ATP1B4: variants seen among roughly 807,000 people sequenced by gnomAD.
ATP1B4 encodes the protein ATPase Na+/K+ transporting family member beta 4.
ATP1B4 carries 32 observed loss-of-function variants against 29.6 expected under a neutral mutation model. The observed-to-expected ratio is 1.08, with a 90% CI of 0.82 to 1.45. The LOEUF is 1.45. Among genes scored for constraint, ATP1B4 ranks in the 40% most tolerant of loss-of-function variants. ATP1B4 has a pLI of 0.00. For missense variants in ATP1B4, 323 were observed against 276.2 expected, an observed-to-expected ratio of 1.17 and a Z score of -1.20; for synonymous variants, 127 against 102.1, an observed-to-expected ratio of 1.24 and a Z score of -1.47.
intron 1 of ATP1B4, among the ~76,000 whole-genome samples, chrX:120,364,039 G>A (rs997765803): frequency 4.0e-4 from 44 of 110,474 alleles, no homozygotes; most frequent in African/African-American, 1.4e-3. Flanking sequence ...ACAGCCTCTC[G>A]GGTGTGAGAG....
At position 120,381,321 on chromosome X, in the gene ATP1B4, G is replaced by C. The variant is rs1011197437; in HGVS notation, c.*1687G>C. On this transcript the variant is annotated 3_prime_UTR_variant, in exon 8 of 8. Transcript: ENST00000218008. ...AATGGCAGGGATGGCAAGAGATCCA[G>C]CTAGAGAGGTATTCAGGGATGGAAA... is the stretch of plus-strand genomic sequence containing the variant. 3.6e-5 allele frequency: 4 copies of C among 112,264 alleles called. No homozygotes were observed. The highest frequency in any genetic ancestry group is 1.3e-4 in the African/African-American group (4 of 30,894). 9.3% of individuals were successfully genotyped at this position (112,264 alleles called of 1,213,427 possible).
intron 4 of ATP1B4, among the ~76,000 whole-genome samples, chrX:120,374,766 A>ATATACCCT (rs1556039757): frequency 1.3e-4 from 3 of 22,671 alleles, no homozygotes; most frequent in African/African-American, 9.1e-4. Flanking sequence ...TATATATTAT[A>ATATACCCT]TATATATAAT....
In ATP1B4 at chrX:120,383,168, C is replaced by T. The variant is rs1303993569; in HGVS notation, c.*3534C>T. The T allele has an allele frequency of 2.7e-5, 3 of 111,752 alleles. No homozygotes were observed. Among genetic ancestry groups the T allele is most frequent in the African/African-American group, 9.7e-5 (3 of 30,779 alleles). The allele number at this position is 111,752 out of a possible 1,213,427, so 9.2% of individuals were successfully genotyped here. A position where few individuals can be genotyped will look rare whatever the true frequency, so the allele number is the denominator to read the frequency against. ...TTTTAGGCACCTATTTTCTGGGGATCAACATGTAAAAAAACATTTATATTG... is the reference window on the plus strand; with the variant it reads ...TTTTAGGCACCTATTTTCTGGGGATTAACATGTAAAAAAACATTTATATTG... On this transcript the variant is annotated 3_prime_UTR_variant, in exon 8 of 8. Coordinates refer to ENST00000218008, the MANE Select transcript of ATP1B4 (RefSeq NM_001142447.3).
intron 3 of ATP1B4, 63 bp downstream of exon 3, chrX:120,370,906 A>C: frequency 8.6e-7 from 1 of 1,161,434 alleles, no homozygotes; most frequent in Non-Finnish European, 1.2e-6. Context: ...CTTGCACAGC[A>C]TGTTCAGCCT....
chrX:120,372,917 C>G (rs2058321037), intron 4 of ATP1B4, among the ~76,000 whole-genome samples: 1 of 112,040 alleles, frequency 8.9e-6, no homozygotes, highest in Non-Finnish European at 1.9e-5. Context: ...TCATGGCCAG[C>G]ACAGTATCTT....
At position 120,367,381 on chromosome X, in the gene ATP1B4, GTCT is replaced by G. The variant is rs781510479; in HGVS notation, c.328+599_328+601del. On this transcript the variant is annotated intron_variant, in intron 2 of 7. Coordinates refer to ENST00000218008, the MANE Select transcript of ATP1B4 (RefSeq NM_001142447.3). ...GTGTCCCTGGCCCCAGCTTGTGGGT[GTCT>G]TCTTCTGCTATGATAGAGATGTTTG... 2.0e-4 allele frequency among the ~76,000 whole-genome samples: 22 copies of G among 112,193 alleles called. No individual in the cohort carries two copies. The South Asian group carries it at 3.0e-3, about 15-fold the overall frequency.
rs748209727 is a variant in ATP1B4 at position 120,380,372 on chromosome X, A to C, written c.*738A>C. On this transcript the variant is annotated 3_prime_UTR_variant, in exon 8 of 8. Coordinates refer to ENST00000218008, the MANE Select transcript of ATP1B4 (RefSeq NM_001142447.3). ...CACAGACAACTAAGTGCTTATTCAA[A>C]GACTAGGTTATTTTCAACTGGGAAA... 8.9e-6 allele frequency: 1 copy of C among 112,251 alleles called. No individual in the cohort carries two copies. Among genetic ancestry groups the C allele is most frequent in the East Asian group, 2.8e-4 (1 of 3,600 alleles). The allele number at this position is 112,251 out of a possible 1,213,427, so 9.3% of individuals were successfully genotyped here.
intron 7 of ATP1B4, 45 bp downstream of exon 7, chrX:120,378,818 T>C (rs1243158366): frequency 9.1e-7 from 1 of 1,097,174 alleles, no homozygotes; most frequent in Non-Finnish European, 1.3e-6. Context: ...AAGGGCTCAG[T>C]GACAAAAGAA....
At chrX:120,370,466 T>C (rs993608898) in intron 2 of ATP1B4, among the ~76,000 whole-genome samples, 6 of 112,075 alleles carry the variant, frequency 5.4e-5, no homozygotes, top group Admixed American at 2.8e-4. Context: ...TGTATTCTTG[T>C]TCATGGCCAT....
In ATP1B4 at chrX:120,380,899, A is replaced by G. The variant is rs943436059; in HGVS notation, c.*1265A>G. On this transcript the variant is annotated 3_prime_UTR_variant, in exon 8 of 8. Coordinates refer to ENST00000218008, the MANE Select transcript of ATP1B4 (RefSeq NM_001142447.3). The stretch of plus-strand genomic sequence containing the variant: ...TTATCTTTGGTCACCTGATCACTCA[A>G]CTGCTTCTTAACACCTCCACCAGGG... 1 of 111,556 alleles carries G rather than the reference A, an allele frequency of 9.0e-6. No homozygotes were observed. The highest frequency in any genetic ancestry group is 1.9e-5 in the Non-Finnish European group (1 of 53,095). The allele number at this position is 111,556 out of a possible 1,213,427, so 9.2% of individuals were successfully genotyped here. A position where few individuals can be genotyped will look rare whatever the true frequency, so the allele number is the denominator to read the frequency against.
At chrX:120,371,555 T>A (rs2058313719) in intron 4 of ATP1B4, among the ~76,000 whole-genome samples, 1 of 111,394 alleles carries the variant, frequency 9.0e-6, no homozygotes, top group Non-Finnish European at 1.9e-5. Context: ...TTGGGGGAGA[T>A]AGTGGTGGGA....
At chrX:120,370,605 T>C in intron 2 of ATP1B4, 110 bp from the exon 3 acceptor site, 3 of 983,391 alleles carry the variant, frequency 3.1e-6, no homozygotes, top group Non-Finnish European at 4.1e-6. Flanking sequence ...ATCTGAGGAA[T>C]TTTTTAAAGA....
At chrX:120,379,168 C>T (rs10429787) in intron 7 of ATP1B4, among the ~76,000 whole-genome samples, 3,323 of 110,997 alleles carry the variant, frequency 0.03, 114 homozygotes, top group African/African-American at 0.099. Flanking sequence ...CACAGGGACT[C>T]GATAGACACT....
chrX:120,376,597 G>A (rs962279673), intron 6 of ATP1B4, among the ~76,000 whole-genome samples, 161 bp downstream of exon 6: 85 of 111,703 alleles, frequency 7.6e-4, no homozygotes, highest in African/African-American at 2.7e-3. Flanking sequence ...CCTCTTTCCA[G>A]AAAGCATTCA....
chrX:120,367,130 TCTCTGAGC>T (rs1343740963), intron 2 of ATP1B4, among the ~76,000 whole-genome samples: 1 of 112,284 alleles, frequency 8.9e-6, no homozygotes, highest in Non-Finnish European at 1.9e-5. Context: ...TCATTTCCCC[TCTCTGAGC>T]CTCAGTTTCC....
chrX:120,379,437 C>T, intron 7 of ATP1B4, 36 bp from the exon 8 acceptor site: 1 of 1,175,386 alleles, frequency 8.5e-7, no homozygotes, highest in South Asian at 1.9e-5. Context: ...CCTACCACCT[C>T]CCCACACTTA....
In ATP1B4 at chrX:120,364,552, G is replaced by A. The variant is rs2058276349; in HGVS notation, c.64-1973G>A. On this transcript the variant is annotated intron_variant, in intron 1 of 7. Coordinates refer to ENST00000218008, the MANE Select transcript of ATP1B4 (RefSeq NM_001142447.3). ...GAATCTCCCTCTGGGTGCTCAAAAT[G>A]TAGTTTGGGAGTTTAAATGTGTGCA... is the stretch of plus-strand genomic sequence containing the variant. Among the ~76,000 whole-genome samples, 3 of 111,809 alleles carry A rather than the reference G, an allele frequency of 2.7e-5. No individual in the cohort carries two copies. The Admixed American group carries it at 2.8e-4, about 11-fold the overall frequency.
At chrX:120,364,796 A>G (rs2058277296) in intron 1 of ATP1B4, among the ~76,000 whole-genome samples, 3 of 112,165 alleles carry the variant, frequency 2.7e-5, no homozygotes, top group African/African-American at 9.7e-5. Context: ...AGCTCACTGC[A>G]GCCTTGACCT....
intron 6 of ATP1B4, 109 bp from the exon 7 acceptor site, chrX:120,378,563 TGGAACA>T (rs1243040772): frequency 6.3e-6 from 4 of 634,022 alleles, no homozygotes; most frequent in Non-Finnish European, 1.0e-5. Context: ...ATGGTCTTCC[TGGAACA>T]GTTGGTTATG....
Sources: allele counts gnomAD v4.1 joint callset (sites outside exome capture counted in the v4.1 genomes callset), GRCh38; gene constraint gnomAD v4.1.1; transcripts MANE v1.5; gene names NCBI Gene and HGNC (gene_info 2026-07-23, HGNC 2026-07-21).